KRIT1: variants seen among roughly 807,000 people sequenced by gnomAD.
The protein encoded by KRIT1 is KRIT1 ankyrin repeat containing, also known as krev interaction trapped protein 1.
KRIT1 carries 45 observed loss-of-function variants against 95.8 expected under a neutral mutation model. That is an observed-to-expected ratio of 0.47 (90% CI 0.37 to 0.60). The LOEUF (loss-of-function observed/expected upper bound fraction) is 0.60, where lower values mean the gene tolerates loss of function less well. KRIT1 is among the 20% of genes least tolerant of loss of function. The pLI, the probability that KRIT1 is intolerant of heterozygous loss-of-function variation, is 0.00. For synonymous variants in KRIT1, 282 were observed against 278.8 expected (o/e 1.01, Z -0.11); for missense variants, 788 against 877.5 (o/e 0.90, Z 1.29).
intron 10 of KRIT1, among the ~76,000 whole-genome samples, chr7:92,228,266 G>A (rs553715745): frequency 8.5e-5 from 13 of 152,316 alleles, no homozygotes; most frequent in Middle Eastern, 3.4e-3. Context: ...CAATGCATAC[G>A]CACACAGTGA....
intron 14 of KRIT1, among the ~76,000 whole-genome samples, chr7:92,219,911 C>A (rs1388894655): frequency 6.6e-6 from 1 of 152,130 alleles, no homozygotes; most frequent in Non-Finnish European, 1.5e-5. Context: ...TTCTTAATCT[C>A]TTTCTTGTAT....
chr7:92,206,938 C>CAAAAAAAAAAAAAAAAAAAAAAAA (rs199771149), intron 17 of KRIT1: 1 of 73,986 alleles, frequency 1.4e-5, no homozygotes, highest in Non-Finnish European at 3.3e-5. Context: ...CCCAGGCAGA[C>CAAAAAAAAAAAAAAAAAAAAAAAA]AAAAAAAAAA....
At chr7:92,219,532 T>C (rs778475260) in intron 14 of KRIT1, among the ~76,000 whole-genome samples, 2 of 152,220 alleles carry the variant, frequency 1.3e-5, no homozygotes, top group Non-Finnish European at 2.9e-5. Flanking sequence ...CCACAATGCT[T>C]TTGATTGCTT....
intron 10 of KRIT1, among the ~76,000 whole-genome samples, chr7:92,231,643 GAAT>G (rs1452864669): frequency 6.6e-6 from 1 of 152,132 alleles, no homozygotes; most frequent in East Asian, 1.9e-4. Flanking sequence ...ACCAATTAGT[GAAT>G]AAGAGTATAC....
Position 92,241,041 on chromosome 7 carries a change from C to T in KRIT1, c.214G>A (p.Val72Ile), listed in dbSNP as rs775059905. ...GAAATTGGTTTGGTGGTTTCTACTACGTAATCCAATATGCCTTGTGTTATT... is the reference window on the plus strand; with the variant it reads ...GAAATTGGTTTGGTGGTTTCTACTATGTAATCCAATATGCCTTGTGTTATT... Reference protein sequence around the residue: ...SEITQGILDYVVETTKPISPA... With the variant: ...SEITQGILDYIVETTKPISPA... Residue 72 changes from valine (V) to isoleucine (I), a missense_variant, in exon 5 of 19, where the codon GTA becomes ATA. Transcript: ENST00000394505. The T allele has an allele frequency of 1.6e-5, 26 of 1,612,294 alleles. 1 individual carries two copies. Among genetic ancestry groups the T allele is most frequent in the Middle Eastern group, 1.6e-4 (1 of 6,082 alleles).
chr7:92,240,122 T>C (rs765255373), intron 5 of KRIT1, among the ~76,000 whole-genome samples: 6 of 152,124 alleles, frequency 3.9e-5, no homozygotes, highest in Non-Finnish European at 7.4e-5. Flanking sequence ...TATAATACAG[T>C]GAATGGTACC....
intron 14 of KRIT1, 23 bp downstream of exon 14, chr7:92,221,879 G>A (rs1795221761): frequency 1.2e-6 from 2 of 1,605,044 alleles, no homozygotes; most frequent in Admixed American, 1.7e-5. Context: ...TTAAATAACT[G>A]TAAATAAGAT....
intron 11 of KRIT1, 35 bp downstream of exon 11, chr7:92,226,491 G>A: frequency 6.6e-7 from 1 of 1,514,928 alleles, no homozygotes; most frequent in Non-Finnish European, 9.2e-7. Context: ...TTCACTGCTT[G>A]AATATTATTT....
intron 17 of KRIT1, among the ~76,000 whole-genome samples, chr7:92,205,208 T>C (rs987808279): frequency 4.6e-5 from 7 of 151,962 alleles, no homozygotes; most frequent in African/African-American, 1.7e-4. Context: ...CAGCCAGGTG[T>C]GGTGGCACAT....
chr7:92,222,252 A>T (rs1795284135), intron 13 of KRIT1, among the ~76,000 whole-genome samples, 199 bp from the exon 14 acceptor site: 1 of 152,162 alleles, frequency 6.6e-6, no homozygotes, highest in Admixed American at 6.5e-5. Flanking sequence ...GAATTATTAA[A>T]AATAATTCTT....
At chr7:92,220,855 A>C (rs912565484) in intron 14 of KRIT1, among the ~76,000 whole-genome samples, 1 of 150,986 alleles carries the variant, frequency 6.6e-6, no homozygotes, top group Non-Finnish European at 1.5e-5. Flanking sequence ...CACCATGCCT[A>C]ATTTTTGTAT....
intron 17 of KRIT1, among the ~76,000 whole-genome samples, chr7:92,209,629 A>G (rs1166587802): frequency 1.3e-5 from 2 of 152,214 alleles, no homozygotes; most frequent in Non-Finnish European, 2.9e-5. Context: ...AAAAAATCAA[A>G]TAATTGAGAA....
intron 12 of KRIT1, among the ~76,000 whole-genome samples, chr7:92,225,093 C>T (rs897662623): frequency 6.6e-6 from 1 of 151,820 alleles, no homozygotes; most frequent in Non-Finnish European, 1.5e-5. Context: ...GCAGAGGTTG[C>T]GGTGAGCTGA....
chr7:92,242,496 CTTGTAAATAAT>C (rs926391250), intron 3 of KRIT1, among the ~76,000 whole-genome samples: 45 of 152,236 alleles, frequency 3.0e-4, no homozygotes, highest in African/African-American at 1.0e-3. Flanking sequence ...TATAAAATAA[CTTGTAAATAAT>C]GACTTGAAAT....
chr7:92,245,352 C>T (rs1208177283), intron 1 of KRIT1, 181 bp from the exon 2 acceptor site: 4 of 152,004 alleles, frequency 2.6e-5, no homozygotes, highest in African/African-American at 9.7e-5. Context: ...ACGTAAGCCT[C>T]TTTGCTCAAA....
At chr7:92,205,809 T>C (rs1486424933) in intron 17 of KRIT1, 1 of 152,180 alleles carries the variant, frequency 6.6e-6, no homozygotes, top group African/African-American at 2.4e-5. Flanking sequence ...AAGCTGTTCA[T>C]CCCATTTAAA....
At chr7:92,237,886 A>G (rs1798762399) in intron 5 of KRIT1, 127 bp from the exon 6 acceptor site, 1 of 623,754 alleles carries the variant, frequency 1.6e-6, no homozygotes, top group South Asian at 1.9e-5. Flanking sequence ...TACTAAGTCA[A>G]TTTTATTATA....
At chr7:92,235,731 C>T (rs555793301) in intron 7 of KRIT1, 85 bp from the exon 8 acceptor site, 3 of 1,255,942 alleles carry the variant, frequency 2.4e-6, no homozygotes, top group East Asian at 2.4e-5. Context: ...TGATATATGA[C>T]ACTTGTGAAT....
intron 4 of KRIT1, 85 bp from the exon 5 acceptor site, chr7:92,241,237 A>G (rs1799569987): frequency 1.0e-6 from 1 of 968,114 alleles, no homozygotes; most frequent in Non-Finnish European, 1.6e-6. Context: ...GTCTTTCTCA[A>G]CTCTAGCTGC....
Sources: gnomAD v4.1 joint callset for allele counts (sites outside exome capture counted in the v4.1 genomes callset) on GRCh38, gnomAD v4.1.1 for gene constraint, MANE v1.5 for transcripts, NCBI Gene and HGNC (gene_info 2026-07-23, HGNC 2026-07-21) for gene names.